The following CLVS1 variants were observed in gnomAD, a reference collection of about 807,000 sequenced individuals.
The protein encoded by CLVS1 is clavesin 1.
A neutral mutation model predicts 33.1 loss-of-function variants in CLVS1; 10 were observed. That is an observed-to-expected ratio of 0.30 (90% CI 0.19 to 0.51). The LOEUF (loss-of-function observed/expected upper bound fraction) is 0.51, where lower values mean the gene tolerates loss of function less well. Ranked by LOEUF, CLVS1 falls within the 20% of genes least tolerant of loss-of-function variation. CLVS1 has a pLI of 0.97. For missense variants in CLVS1, 343 were observed against 433.4 expected (o/e 0.79, Z 1.85); for synonymous variants, 163 against 166.1 (o/e 0.98, Z 0.14).
At chr8:61,308,834 A>AT (rs2129595301) in intron 2 of CLVS1, among the ~76,000 whole-genome samples, 1 of 152,304 alleles carries the variant, frequency 6.6e-6, no homozygotes, top group South Asian at 2.1e-4. Context: ...CAGTGATGGA[A>AT]TTATTCCCTA....
At chr8:60,969,630 T>C in the CLVS1 span, among the ~76,000 whole-genome samples, 1 of 152,184 alleles carries the variant, frequency 6.6e-6, no homozygotes, top group Non-Finnish European at 1.5e-5. Context: ...TTCAGTCAGT[T>C]GGCAGGGGCG....
chr8:61,191,398 A>G (rs56082092), intron 2 of CLVS1, among the ~76,000 whole-genome samples: 14,185 of 152,242 alleles, frequency 0.093, 1,281 homozygotes, highest in African/African-American at 0.24. Context: ...GCTATTTATG[A>G]CAAACCCACA....
chr8:61,193,012 A>G (rs1807525943), intron 2 of CLVS1, among the ~76,000 whole-genome samples: 1 of 152,186 alleles, frequency 6.6e-6, no homozygotes. Context: ...CAGCCATCCT[A>G]TTACTGGGTA....
Position 61,301,069 on chromosome 8 carries a change from C to T in CLVS1, c.455+787C>T, listed in dbSNP as rs570697761. The stretch of plus-strand genomic sequence containing the variant: ...GCCTCTAGTCTTATCTCTTCTGAGT[C>T]ATTCTAGGTTACACCGTAGCCAGGG... On this transcript the variant is annotated intron_variant, in intron 2 of 5. Coordinates refer to ENST00000325897, the MANE Select transcript of CLVS1 (RefSeq NM_173519.3). 3 of 152,322 alleles carry T rather than the reference C, an allele frequency of 2.0e-5. No individual in the cohort carries two copies. The East Asian group carries it at 5.8e-4, about 29-fold the overall frequency. The allele number at this position is 152,322 out of a possible 1,614,324, so 9.4% of individuals were successfully genotyped here.
At chr8:61,133,272 G>T (rs1327153526) in intron 2 of CLVS1, among the ~76,000 whole-genome samples, 1 of 152,148 alleles carries the variant, frequency 6.6e-6, no homozygotes. Flanking sequence ...AGACGAGGGG[G>T]TCGTCAATTC....
intron 1 of CLVS1, among the ~76,000 whole-genome samples, chr8:61,081,967 C>T (rs1461155348): frequency 6.6e-6 from 1 of 152,160 alleles, no homozygotes; most frequent in Non-Finnish European, 1.5e-5. Flanking sequence ...AAAGACAAAG[C>T]AAGCATTAGA....
At chr8:61,381,694 A>T (rs1563527212) in intron 3 of CLVS1, among the ~76,000 whole-genome samples, 1 of 152,150 alleles carries the variant, frequency 6.6e-6, no homozygotes. Flanking sequence ...GAGGTATTTG[A>T]TTTTTTGTTC....
At chr8:61,351,827 T>C (rs1181948736) in intron 2 of CLVS1, among the ~76,000 whole-genome samples, 5 of 152,084 alleles carry the variant, frequency 3.3e-5, no homozygotes, top group African/African-American at 9.7e-5. Context: ...GACTTCTATA[T>C]CTGGTGAGAC....
upstream of CLVS1, among the ~76,000 whole-genome samples, chr8:61,054,008 C>G (rs1804430347): frequency 6.6e-6 from 1 of 152,220 alleles, no homozygotes; most frequent in African/African-American, 2.4e-5. Flanking sequence ...CTACTTGAAG[C>G]TGGTTTGAAT....
At chr8:60,983,685 AG>A in the CLVS1 span, among the ~76,000 whole-genome samples, 1 of 152,182 alleles carries the variant, frequency 6.6e-6, no homozygotes, top group African/African-American at 2.4e-5. Context: ...GTCCCAGGAA[AG>A]AAGCATATCC....
chr8:61,047,909 T>C, the CLVS1 span, among the ~76,000 whole-genome samples: 1 of 151,890 alleles, frequency 6.6e-6, no homozygotes, highest in South Asian at 2.1e-4. Flanking sequence ...AACTTGCACA[T>C]TGTGCACATA....
intron 1 of CLVS1, among the ~76,000 whole-genome samples, chr8:61,288,486 C>G (rs1022338795): frequency 6.6e-6 from 1 of 152,128 alleles, no homozygotes; most frequent in Non-Finnish European, 1.5e-5. Context: ...GGAAAGAGCT[C>G]AAGTTGACAG....
the CLVS1 span, among the ~76,000 whole-genome samples, chr8:60,969,222 G>A: frequency 1.3e-5 from 2 of 152,340 alleles, no homozygotes; most frequent in African/African-American, 4.8e-5. Flanking sequence ...AGTTATGGCT[G>A]TGGAACAGGG....
intron 2 of CLVS1, among the ~76,000 whole-genome samples, chr8:61,315,898 G>A (rs1810993185): frequency 6.6e-6 from 1 of 151,952 alleles, no homozygotes; most frequent in South Asian, 2.1e-4. Context: ...CTCCCCAATA[G>A]GCCCGGGTGT....
intron 2 of CLVS1, among the ~76,000 whole-genome samples, chr8:61,178,531 A>G (rs1160312055): frequency 6.6e-6 from 1 of 152,204 alleles, no homozygotes; most frequent in African/African-American, 2.4e-5. Context: ...GATCCACGCC[A>G]AGACACATAA....
intron 1 of CLVS1, among the ~76,000 whole-genome samples, chr8:61,072,237 T>C (rs1804809724): frequency 6.6e-6 from 1 of 152,246 alleles, no homozygotes; most frequent in African/African-American, 2.4e-5. Flanking sequence ...TCTTGAGGCC[T>C]CTGTCCTCTG....
At chr8:61,163,128 G>A (rs1422315644) in intron 2 of CLVS1, among the ~76,000 whole-genome samples, 2 of 152,130 alleles carry the variant, frequency 1.3e-5, no homozygotes, top group African/African-American at 2.4e-5. Context: ...GTGACTGAAG[G>A]CACCCCCATC....
At chr8:61,048,150 C>G in the CLVS1 span, among the ~76,000 whole-genome samples, 1 of 152,082 alleles carries the variant, frequency 6.6e-6, no homozygotes, top group Non-Finnish European at 1.5e-5. Context: ...TGCAGTTGGA[C>G]AAATACAGTA....
At chr8:61,213,549 A>C (rs974944550) in intron 2 of CLVS1, among the ~76,000 whole-genome samples, 4 of 151,680 alleles carry the variant, frequency 2.6e-5, no homozygotes, top group African/African-American at 9.7e-5. Context: ...ATAATTTCTT[A>C]TGCCTGTCTT....
Sources: gnomAD v4.1 joint callset for allele counts (sites outside exome capture counted in the v4.1 genomes callset) on GRCh38, gnomAD v4.1.1 for gene constraint, MANE v1.5 for transcripts, NCBI Gene and HGNC (gene_info 2026-07-23, HGNC 2026-07-21) for gene names.